MYO1B: variants seen among roughly 807,000 people sequenced by gnomAD.
MYO1B encodes unconventional myosin-Ib.
MYO1B carries 72 observed loss-of-function variants against 159.7 expected under a neutral mutation model. The observed-to-expected ratio is 0.45, with a 90% CI of 0.37 to 0.55. The LOEUF (loss-of-function observed/expected upper bound fraction) is 0.55. Ranked by LOEUF, MYO1B falls within the 20% of genes least tolerant of loss-of-function variation. MYO1B has a pLI of 0.00. For missense variants in MYO1B, 1,062 were observed against 1,364.8 expected (o/e 0.78, Z 3.50); for synonymous variants, 468 against 473.8 (o/e 0.99, Z 0.16).
intron 11 of MYO1B, among the ~76,000 whole-genome samples, chr2:191,367,454 T>C (rs1302737182): frequency 6.6e-6 from 1 of 152,250 alleles, no homozygotes; most frequent in Admixed American, 6.5e-5. Context: ...AGAGCCATCA[T>C]TTCCTGTTCA....
At chr2:191,391,132 C>T (rs993700238) in intron 18 of MYO1B, among the ~76,000 whole-genome samples, 6 of 152,204 alleles carry the variant, frequency 3.9e-5, no homozygotes, top group Non-Finnish European at 1.5e-5. Flanking sequence ...TACTGACGGG[C>T]GGCTGTTGCA....
intron 1 of MYO1B, chr2:191,245,835 A>T (rs1685749761): frequency 6.8e-6 from 1 of 146,976 alleles, no homozygotes; most frequent in Non-Finnish European, 1.5e-5. Context: ...GGTGGTCGTG[A>T]CTCCGCAGTG....
At chr2:191,416,832 A>G (rs1697605992) in intron 30 of MYO1B, among the ~76,000 whole-genome samples, 2 of 151,834 alleles carry the variant, frequency 1.3e-5, no homozygotes, top group Admixed American at 1.3e-4. Context: ...AAAAAGAGTC[A>G]GGGAGGCCTC....
rs989653537 is a variant in MYO1B, at chr2:191,285,047, A to C, written c.135+8017A>C. ...AGTTCCTGTGTTTCATAGCAGATTC[A>C]TTTTTGTTACATTACTACTTTCAAT... On this transcript the variant is annotated intron_variant, in intron 2 of 30. Coordinates refer to ENST00000392318, the MANE Select transcript of MYO1B (RefSeq NM_001130158.3). Among the ~76,000 whole-genome samples the C allele has an allele frequency of 4.6e-5, 7 of 152,014 alleles. No homozygotes were observed. In the East Asian group the frequency reaches 1.3e-3, roughly 29 times the overall value.
At chr2:191,361,526 T>G (rs1178778584) in intron 8 of MYO1B, among the ~76,000 whole-genome samples, 1 of 151,658 alleles carries the variant, frequency 6.6e-6, no homozygotes, top group African/African-American at 2.4e-5. Context: ...AAAGTCATCT[T>G]CACTAATAAT....
chr2:191,306,591 G>A (rs17348223), intron 3 of MYO1B, among the ~76,000 whole-genome samples: 3,976 of 152,220 alleles, frequency 0.026, 76 homozygotes, highest in Non-Finnish European at 0.042. Context: ...TGCAGTAAGG[G>A]ACAAGGACAG....
Position 191,392,109 on chromosome 2 carries a change from T to G in MYO1B, c.1984T>G (p.Ser662Ala), listed in dbSNP as rs766881465. Residue 662 changes from serine (S) to alanine (A), a missense_variant and splice_region_variant, in exon 19 of 31, where the codon TCT becomes GCT. Physicochemically the swap from Ser to Ala is moderately conservative, Grantham distance 99. This residue lies in a region of MYO1B where 609 missense variants were observed against 744.4 expected (regional missense o/e 0.82). Transcript: ENST00000392318. ...TWPHWKGPAR[S>A]GVEVLFNELE... ...CTGTTTTTATTTTTATTTTTTTAGG[T>G]CTGGTGTGGAGGTCCTATTTAATGA... 1.9e-6 allele frequency: 3 copies of G among 1,596,996 alleles called. No homozygotes were observed. The highest frequency in any genetic ancestry group is 1.7e-6 in the Non-Finnish European group (2 of 1,168,202).
Position 191,277,025 on chromosome 2 carries a change from A to G in MYO1B, c.130A>G (p.Ile44Val). Residue 44 changes from isoleucine (I) to valine (V), a missense_variant, in exon 2 of 31, where the codon ATA becomes GTA. Ile to Val is a conservative substitution (Grantham distance 29, BLOSUM62 3). Around this residue, in one of 5 missense-constraint regions of MYO1B, gnomAD observed 415 missense variants for 544.0 expected, o/e 0.76. Transcript: ENST00000392318. ...CAAGAAGCGCTTTGACCACAGTGAA[A>G]TATACGTAAGTACACACGAAGGTCA... ...NLKKRFDHSEIYTYIGSVVIS... is the reference protein window; with the variant it reads ...NLKKRFDHSEVYTYIGSVVIS... 1.9e-6 allele frequency: 3 copies of G among 1,613,400 alleles called. No homozygotes were observed. The highest frequency in any genetic ancestry group is 1.3e-5 in the African/African-American group (1 of 74,950).
At chr2:191,389,914 T>C (rs1695640444) in intron 17 of MYO1B, among the ~76,000 whole-genome samples, 1 of 152,180 alleles carries the variant, frequency 6.6e-6, no homozygotes, top group Admixed American at 6.5e-5. Context: ...CCCCCACTAC[T>C]ACCTCTCCCC....
intron 20 of MYO1B, 133 bp downstream of exon 20, chr2:191,393,355 T>C (rs1695877904): frequency 9.1e-7 from 1 of 1,093,948 alleles, no homozygotes; most frequent in Admixed American, 2.9e-5. Flanking sequence ...ATGTTCTTAA[T>C]GGTTCTTTTT....
intron 3 of MYO1B, among the ~76,000 whole-genome samples, chr2:191,313,078 A>G (rs191806755): frequency 3.2e-4 from 49 of 152,010 alleles, no homozygotes; most frequent in African/African-American, 1.2e-3. Flanking sequence ...TTTGTTTCTC[A>G]TGAAACACAA....
intron 9 of MYO1B, among the ~76,000 whole-genome samples, chr2:191,363,487 C>G (rs1357180043): frequency 6.6e-6 from 1 of 152,024 alleles, no homozygotes; most frequent in African/African-American, 2.4e-5. Flanking sequence ...AAGTAGGGAC[C>G]CAAGGCTCTG....
chr2:191,379,969 A>G (rs563450641), intron 13 of MYO1B, among the ~76,000 whole-genome samples: 3 of 152,334 alleles, frequency 2.0e-5, no homozygotes, highest in Non-Finnish European at 2.9e-5. Flanking sequence ...GTATCTGACT[A>G]TATTTGTCAA....
At chr2:191,360,805 C>T in intron 8 of MYO1B, 76 bp downstream of exon 8, 1 of 950,350 alleles carries the variant, frequency 1.1e-6, no homozygotes. Context: ...GGGAGTCTCA[C>T]TGTGTTGCCC....
intron 3 of MYO1B, 114 bp downstream of exon 3, chr2:191,296,340 T>TA (rs397732016): frequency 1.8e-4 from 79 of 445,516 alleles, no homozygotes; most frequent in East Asian, 6.3e-4. Context: ...CAGTTTTTTT[T>TA]AAAAAGTTTG....
chr2:191,262,218 G>T (rs1003184226), intron 1 of MYO1B, among the ~76,000 whole-genome samples: 5 of 152,046 alleles, frequency 3.3e-5, no homozygotes, highest in Admixed American at 6.5e-5. Flanking sequence ...TATGCAGTGA[G>T]AAAAAGGCAC....
chr2:191,404,470 T>C (rs1345678739), intron 24 of MYO1B, among the ~76,000 whole-genome samples: 1 of 152,236 alleles, frequency 6.6e-6, no homozygotes, highest in Non-Finnish European at 1.5e-5. Context: ...AGCCAATTAT[T>C]AGGTAACATT....
At chr2:191,382,507 C>G (rs1273002689) in intron 14 of MYO1B, among the ~76,000 whole-genome samples, 2 of 152,194 alleles carry the variant, frequency 1.3e-5, no homozygotes, top group Non-Finnish European at 2.9e-5. Context: ...CATTCTTTTC[C>G]TGTCTTCTCA....
At chr2:191,303,183 C>T (rs1689441395) in intron 3 of MYO1B, among the ~76,000 whole-genome samples, 1 of 151,690 alleles carries the variant, frequency 6.6e-6, no homozygotes, top group Non-Finnish European at 1.5e-5. Flanking sequence ...TTTATGTAGT[C>T]AGTTTTTTTT....
Sources: allele counts gnomAD v4.1 joint callset (sites outside exome capture counted in the v4.1 genomes callset), GRCh38; gene constraint gnomAD v4.1.1; regional missense constraint gnomAD v4.1.1; transcripts MANE v1.5; gene names NCBI Gene and HGNC (gene_info 2026-07-23, HGNC 2026-07-21).